HGF: variants seen among roughly 807,000 people sequenced by gnomAD.
HGF encodes the protein hepatocyte growth factor.
A neutral mutation model predicts 111.6 loss-of-function variants in HGF; 39 were observed. The observed-to-expected ratio is 0.35, with a 90% CI of 0.27 to 0.46. The LOEUF is 0.46. Among genes scored for constraint, HGF ranks in the 20% least tolerant of loss-of-function variants. HGF has a pLI of 1.00. For missense variants in HGF, 735 were observed against 910.5 expected, an observed-to-expected ratio of 0.81 and a Z score of 2.48; for synonymous variants, 285 against 294.8, an observed-to-expected ratio of 0.97 and a Z score of 0.34.
chr7:81,741,612 T>C (rs906333849), intron 7 of HGF, among the ~76,000 whole-genome samples: 4 of 150,810 alleles, frequency 2.7e-5, no homozygotes, highest in Non-Finnish European at 1.5e-5. Context: ...TGTGTGTGTG[T>C]GTATAGGTTT....
chr7:81,737,024 T>C (rs1311530983), intron 7 of HGF, among the ~76,000 whole-genome samples: 1 of 151,830 alleles, frequency 6.6e-6, no homozygotes, highest in Non-Finnish European at 1.5e-5. Flanking sequence ...AGGCCATTCA[T>C]GTTAAAAAAT....
chr7:81,707,332 T>G lies in HGF; in HGVS notation c.1574A>C (p.Lys525Thr). Residue 525 changes from lysine (K) to threonine (T), a missense_variant, in exon 14 of 18, where the codon AAG becomes ACG. By Grantham distance (78) the Lys-to-Thr change is moderately conservative. Around this residue, in one of 3 missense-constraint regions of HGF, gnomAD observed 553 missense variants for 685.6 expected, o/e 0.81. Coordinates refer to ENST00000222390, the MANE Select transcript of HGF (RefSeq NM_000601.6). ...NKHICGGSLIKESWVLTARQC... is the reference protein window; with the variant it reads ...NKHICGGSLITESWVLTARQC... ...TCGTGCAGTAAGAACCCAACTCTCC[T>G]TTATCAATGATCCTCCGCAGATATG... The G allele has an allele frequency of 2.5e-6, 4 of 1,602,198 alleles. No homozygotes were observed. The highest frequency in any genetic ancestry group is 3.4e-6 in the Non-Finnish European group (4 of 1,169,750).
At chr7:81,760,903 A>G (rs1234426062) in intron 2 of HGF, among the ~76,000 whole-genome samples, 1 of 152,158 alleles carries the variant, frequency 6.6e-6, no homozygotes, top group Non-Finnish European at 1.5e-5. Flanking sequence ...TAATTTATTA[A>G]TGTCTTCTCC....
At chr7:81,756,110 G>A in intron 4 of HGF, 3 of 697,704 alleles carry the variant, frequency 4.3e-6, no homozygotes, top group Non-Finnish European at 7.8e-6. Context: ...GGCCAAATGT[G>A]TCATGCCCTG....
chr7:81,700,769 T>C lies in HGF; in HGVS notation c.*1812A>G, dbSNP rs1789257960. On this transcript the variant is annotated 3_prime_UTR_variant, in exon 18 of 18. Transcript: ENST00000222390. The stretch of plus-strand genomic sequence containing the variant: ...AGTTGGATGTCTTTTTGCTTCCACT[T>C]TAAGTTTCTTGATGCCAGCACATAT... The C allele has an allele frequency of 6.6e-6, 1 of 151,590 alleles. No homozygotes were observed. The highest frequency in any genetic ancestry group is 1.5e-5 in the Non-Finnish European group (1 of 67,644). The allele number at this position is 151,590 out of a possible 1,614,324, so 9.4% of individuals were successfully genotyped here. A position where few individuals can be genotyped will look rare whatever the true frequency, so the allele number is the denominator to read the frequency against.
chr7:81,710,311 C>A (rs1005150229), intron 12 of HGF, 68 bp from the exon 13 acceptor site: 1 of 989,650 alleles, frequency 1.0e-6, no homozygotes, highest in Non-Finnish European at 1.6e-6. Flanking sequence ...TCTTAGTTTT[C>A]TTAAATGCAA....
intron 7 of HGF, among the ~76,000 whole-genome samples, chr7:81,732,265 A>C (rs1787688825): frequency 6.6e-6 from 1 of 152,168 alleles, no homozygotes; most frequent in Non-Finnish European, 1.5e-5. Flanking sequence ...ATACCAATCA[A>C]GACAATAAAT....
At chr7:81,750,282 A>G (rs1308967558) in intron 5 of HGF, among the ~76,000 whole-genome samples, 1 of 152,204 alleles carries the variant, frequency 6.6e-6, no homozygotes, top group Non-Finnish European at 1.5e-5. Context: ...TTTAACTCAT[A>G]GTCTCCAAAA....
intron 9 of HGF, among the ~76,000 whole-genome samples, chr7:81,725,678 A>C (rs1484188897): frequency 1.3e-5 from 2 of 152,134 alleles, no homozygotes; most frequent in Non-Finnish European, 2.9e-5. Flanking sequence ...CAAGGCTTAG[A>C]ACTGTGGCTG....
At chr7:81,729,466 G>A in intron 8 of HGF, 139 bp downstream of exon 8, 1 of 713,764 alleles carries the variant, frequency 1.4e-6, no homozygotes, top group Admixed American at 2.0e-5. Flanking sequence ...GAGTGGAGGT[G>A]TAATCTGCCT....
intron 10 of HGF, among the ~76,000 whole-genome samples, chr7:81,717,736 AATACAAGCTATT>A (rs1789751454): frequency 6.6e-6 from 1 of 152,150 alleles, no homozygotes; most frequent in Non-Finnish European, 1.5e-5. Context: ...ATACATAAAA[AATACAAGCTATT>A]ATACAAGTAT....
rs747928426 is a variant in HGF, at chr7:81,717,396, A to G, written c.1272-31T>C. 4 of 1,603,574 alleles carry G rather than the reference A, an allele frequency of 2.5e-6. No homozygotes were observed. The Admixed American group carries it at 6.7e-5, about 27-fold the overall frequency. ...GAAACAACAGGCCTTGCACATCACA[A>G]GATGCTCATTCCATCCAAGAGACAC... On this transcript the variant is annotated intron_variant, in intron 10 of 17. Transcript: ENST00000222390.
intron 1 of HGF, among the ~76,000 whole-genome samples, chr7:81,763,226 A>G (rs971450757): frequency 6.6e-6 from 1 of 152,198 alleles, no homozygotes; most frequent in African/African-American, 2.4e-5. Context: ...ATCATGCTTT[A>G]TAATTAAACT....
chr7:81,728,259 A>C (rs1790072190), intron 8 of HGF, among the ~76,000 whole-genome samples: 1 of 152,264 alleles, frequency 6.6e-6, no homozygotes. Context: ...AAAATTAAGA[A>C]AAGATGGCTT....
intron 7 of HGF, among the ~76,000 whole-genome samples, chr7:81,735,578 A>G (rs1447169917): frequency 6.6e-6 from 1 of 152,140 alleles, no homozygotes; most frequent in Non-Finnish European, 1.5e-5. Context: ...TTTTCTCATC[A>G]TATAAACACA....
At chr7:81,768,292 A>T (rs1484205114) in intron 1 of HGF, among the ~76,000 whole-genome samples, 1 of 152,214 alleles carries the variant, frequency 6.6e-6, no homozygotes, top group Non-Finnish European at 1.5e-5. Flanking sequence ...TGACATTTTA[A>T]TCTTTAAAAA....
chr7:81,720,671 C>T, intron 10 of HGF, 74 bp downstream of exon 10: 2 of 828,920 alleles, frequency 2.4e-6, no homozygotes, highest in South Asian at 2.8e-5. Context: ...AAAGAAATAG[C>T]AATGTACATA....
intron 9 of HGF, among the ~76,000 whole-genome samples, chr7:81,723,594 T>C (rs1173365687): frequency 6.6e-6 from 1 of 151,146 alleles, no homozygotes; most frequent in East Asian, 1.9e-4. Flanking sequence ...ATATGTAGTG[T>C]TTTATCAACA....
intron 9 of HGF, among the ~76,000 whole-genome samples, chr7:81,722,655 A>G (rs992055346): frequency 2.7e-5 from 4 of 150,794 alleles, no homozygotes; most frequent in Non-Finnish European, 4.4e-5. Context: ...TCTACCAAAA[A>G]TATAAAAAAT....
Sources: gnomAD v4.1 joint callset for allele counts (sites outside exome capture counted in the v4.1 genomes callset) on GRCh38, gnomAD v4.1.1 for gene constraint, gnomAD v4.1.1 regional missense constraint, MANE v1.5 for transcripts, NCBI Gene and HGNC (gene_info 2026-07-23, HGNC 2026-07-21) for gene names.